Variants in ZC3H3 observed in about 807,000 individuals in gnomAD.
ZC3H3 encodes the protein zinc finger CCCH-type containing 3, also known as zinc finger CCCH domain-containing protein 3.
ZC3H3 carries 36 observed loss-of-function variants against 77.3 expected under a neutral mutation model. The ratio of observed to expected loss-of-function variants is 0.47; its 90% confidence interval spans 0.36 to 0.61. The LOEUF (loss-of-function observed/expected upper bound fraction) is 0.61. Ranked by LOEUF, ZC3H3 falls within the 20% of genes least tolerant of loss-of-function variation. The pLI is 0.00. For missense variants in ZC3H3, 1,331 were observed against 1,312.2 expected (o/e 1.01, Z -0.22); for synonymous variants, 626 against 555.2 (o/e 1.13, Z -1.79).
chr8:143,521,657 G>C (rs926633711), intron 3 of ZC3H3, among the ~76,000 whole-genome samples: 7 of 152,154 alleles, frequency 4.6e-5, no homozygotes, highest in Non-Finnish European at 7.4e-5. Flanking sequence ...CAGCCTCCCC[G>C]CACCGCCTTA....
chr8:143,441,170 C>T (rs1044202849), intron 9 of ZC3H3, 50 bp from the exon 10 acceptor site: 2 of 1,360,162 alleles, frequency 1.5e-6, no homozygotes, highest in African/African-American at 3.1e-5. Context: ...GGCTGTGGCG[C>T]TGCACGGGGA....
At chr8:143,535,271 T>C (rs542023120) in intron 3 of ZC3H3, among the ~76,000 whole-genome samples, 1 of 152,290 alleles carries the variant, frequency 6.6e-6, no homozygotes, top group East Asian at 1.9e-4. Flanking sequence ...ACTCCTGGCC[T>C]CAAGTGATCT....
chr8:143,518,874 C>T (rs1220213107), intron 3 of ZC3H3, among the ~76,000 whole-genome samples: 1 of 152,248 alleles, frequency 6.6e-6, no homozygotes, highest in African/African-American at 2.4e-5. Context: ...ACAGAGGCTC[C>T]CCTGGCCTTG....
At position 143,539,125 on chromosome 8, in the gene ZC3H3, G is replaced by C; in HGVS notation, c.242C>G (p.Pro81Arg). ...RKKYSLVNRP[P>R]GPSDPPADHA... Reference sequence around the variant, plus strand: ...GTCGGCAGGAGGGTCTGAGGGTCCCGGGGGCCGATTCACGAGGGAGTATTT... The same window carrying C: ...GTCGGCAGGAGGGTCTGAGGGTCCCCGGGGCCGATTCACGAGGGAGTATTT... Residue 81 changes from proline (P) to arginine (R), a missense_variant, in exon 2 of 12, where the codon CCG (proline) becomes CGG (arginine). Transcript: ENST00000262577. 1 of 1,612,938 alleles carries C rather than the reference G, an allele frequency of 6.2e-7. No individual in the cohort carries two copies. The highest frequency in any genetic ancestry group is 8.5e-7 in the Non-Finnish European group (1 of 1,179,990).
rs889353002 is a variant in ZC3H3 at position 143,460,585 on chromosome 8, C to T, written c.2307+5132G>A. ...AATATACACCCAAAGGAAGTGAAAGCGGGGCTCAAACAGATACCTGGCTGT... is the reference window on the plus strand; with the variant it reads ...AATATACACCCAAAGGAAGTGAAAGTGGGGCTCAAACAGATACCTGGCTGT... On this transcript the variant is annotated intron_variant, in intron 9 of 11. Transcript: ENST00000262577. This position sits in a 1 kb window ranked among gnomAD's most constrained non-coding sequence, Gnocchi z 4.0. 5.9e-5 allele frequency among the ~76,000 whole-genome samples: 9 copies of T among 152,150 alleles called. No homozygotes were observed. The highest frequency in any genetic ancestry group is 8.8e-5 in the Non-Finnish European group (6 of 68,022).
chr8:143,483,515 A>G (rs1465990827), intron 4 of ZC3H3, among the ~76,000 whole-genome samples: 2 of 152,060 alleles, frequency 1.3e-5, no homozygotes, highest in African/African-American at 4.8e-5. Context: ...CCCTCATGGG[A>G]GGGGCCCAAG....
At chr8:143,521,097 C>CGCCACAGCCCCTGCCCAGCCCA (rs1281205089) in intron 3 of ZC3H3, among the ~76,000 whole-genome samples, 22 of 152,130 alleles carry the variant, frequency 1.4e-4, no homozygotes, top group Non-Finnish European at 2.2e-4. Context: ...GGCCCGGCCC[C>CGCCACAGCCCCTGCCCAGCCCA]GCCACAGCCC....
chr8:143,475,677 C>T, intron 4 of ZC3H3, 92 bp from the exon 5 acceptor site: 2 of 1,403,100 alleles, frequency 1.4e-6, no homozygotes, highest in Non-Finnish European at 1.9e-6. Context: ...GGCCTGGCCT[C>T]CCAAGGGGGA....
intron 9 of ZC3H3, among the ~76,000 whole-genome samples, chr8:143,465,439 T>TG (rs1303234515): frequency 6.6e-6 from 1 of 152,144 alleles, no homozygotes; most frequent in African/African-American, 2.4e-5. Flanking sequence ...ACCCCTACCA[T>TG]GGGGGGCCAG....
intron 4 of ZC3H3, among the ~76,000 whole-genome samples, chr8:143,482,324 G>T (rs1431987533): frequency 6.6e-6 from 1 of 152,232 alleles, no homozygotes; most frequent in Non-Finnish European, 1.5e-5. Context: ...TGGGGAAAAT[G>T]AGCACAGGGG....
intron 1 of ZC3H3, among the ~76,000 whole-genome samples, chr8:143,540,556 G>A (rs1449289875): frequency 6.6e-6 from 1 of 152,224 alleles, no homozygotes; most frequent in African/African-American, 2.4e-5. Context: ...AGTTTAGAAA[G>A]ACCAATTTGG....
chr8:143,472,465 C>CA (rs1375700014), intron 5 of ZC3H3, among the ~76,000 whole-genome samples: 1 of 152,228 alleles, frequency 6.6e-6, no homozygotes, highest in African/African-American at 2.4e-5. Context: ...CACAGCCTCC[C>CA]AGGGAGGAGT....
chr8:143,469,854 T>C (rs1267373963), intron 5 of ZC3H3, among the ~76,000 whole-genome samples: 1 of 152,172 alleles, frequency 6.6e-6, no homozygotes, highest in Non-Finnish European at 1.5e-5. Context: ...CCAGACCAGA[T>C]CCAATTTCCT....
At chr8:143,440,865 G>T (rs1819721921) in intron 10 of ZC3H3, 71 bp downstream of exon 10, 2 of 1,324,150 alleles carry the variant, frequency 1.5e-6, no homozygotes, top group Non-Finnish European at 1.9e-6. Flanking sequence ...CAACCAGAGG[G>T]CCCCGGGCAT....
rs1283982328 is a variant in ZC3H3 at position 143,533,083 on chromosome 8, C to T, written c.1561+3174G>A. ...GCCAGACACCCCGGGGCCCTGGACA[C>T]GCCCCTCCCAGGGTCCTCCCCTGTC... On this transcript the variant is annotated intron_variant, in intron 3 of 11. Transcript: ENST00000262577. The surrounding 1 kb of genome is among the most constrained non-coding windows in gnomAD (Gnocchi z 4.0). Among the ~76,000 whole-genome samples the T allele has an allele frequency of 6.6e-6, 1 of 152,298 alleles. No homozygotes were observed. Among genetic ancestry groups the T allele is most frequent in the African/African-American group, 2.4e-5 (1 of 41,562 alleles).
intron 3 of ZC3H3, among the ~76,000 whole-genome samples, chr8:143,528,562 G>A (rs1440300317): frequency 6.6e-6 from 1 of 152,230 alleles, no homozygotes; most frequent in Non-Finnish European, 1.5e-5. Context: ...TGGAGGCCGG[G>A]GATCGAGGCT....
intron 4 of ZC3H3, among the ~76,000 whole-genome samples, chr8:143,505,981 G>T (rs1183015536): frequency 1.3e-5 from 2 of 152,238 alleles, no homozygotes; most frequent in Non-Finnish European, 2.9e-5. Flanking sequence ...CTTGGAGGGA[G>T]CCTATCAGCT....
At chr8:143,471,446 A>C (rs1820560734) in intron 5 of ZC3H3, among the ~76,000 whole-genome samples, 1 of 152,234 alleles carries the variant, frequency 6.6e-6, no homozygotes, top group South Asian at 2.1e-4. Context: ...CACAGCAGGG[A>C]GGGCCACGGC....
At chr8:143,446,596 C>A (rs1268862481) in intron 9 of ZC3H3, among the ~76,000 whole-genome samples, 2 of 152,230 alleles carry the variant, frequency 1.3e-5, no homozygotes, top group Non-Finnish European at 2.9e-5. Context: ...GGTTTTCCAC[C>A]TCAGTTTACA....
Sources: allele counts gnomAD v4.1 joint callset (sites outside exome capture counted in the v4.1 genomes callset), GRCh38; gene constraint gnomAD v4.1.1; non-coding constraint Gnocchi (gnomAD v3.1); transcripts MANE v1.5; gene names NCBI Gene and HGNC (gene_info 2026-07-23, HGNC 2026-07-21).